Variants in MYO3B observed in about 807,000 individuals in gnomAD.
The protein encoded by MYO3B is myosin-IIIb.
A neutral mutation model predicts 174.6 loss-of-function variants in MYO3B; 156 were observed. That is an observed-to-expected ratio of 0.89 (90% CI 0.78 to 1.02). MYO3B has a LOEUF of 1.02. MYO3B is among the 50% of genes least tolerant of loss of function. The pLI, the probability that MYO3B is intolerant of heterozygous loss-of-function variation, is 0.00. For missense variants in MYO3B, 1,632 were observed against 1,639.4 expected, an observed-to-expected ratio of 1.00 and a Z score of 0.08; for synonymous variants, 563 against 569.1, an observed-to-expected ratio of 0.99 and a Z score of 0.15.
At chr2:170,378,455 G>A (rs1010852878) in intron 9 of MYO3B, among the ~76,000 whole-genome samples, 1 of 152,194 alleles carries the variant, frequency 6.6e-6, no homozygotes, top group Admixed American at 6.5e-5. Context: ...TTGATCACCT[G>A]TAAGCATGGA....
chr2:170,255,552 C>T (rs1187247474), intron 7 of MYO3B, among the ~76,000 whole-genome samples: 3 of 152,110 alleles, frequency 2.0e-5, no homozygotes, highest in Non-Finnish European at 4.4e-5. Context: ...GGAACCCATA[C>T]AGAGCACTGG....
chr2:170,218,638 A>T (rs1409864215), intron 6 of MYO3B, among the ~76,000 whole-genome samples: 1 of 152,174 alleles, frequency 6.6e-6, no homozygotes, highest in African/African-American at 2.4e-5. Context: ...TTCAGCTAGC[A>T]TAATCTGTTT....
At chr2:170,387,063 A>T in intron 13 of MYO3B, 43 bp from the exon 14 acceptor site, 1 of 1,601,722 alleles carries the variant, frequency 6.2e-7, no homozygotes, top group Non-Finnish European at 8.5e-7. Flanking sequence ...TGCTGGTGTA[A>T]TGTTTCTGGA....
Position 170,542,934 on chromosome 2 carries a change from G to C in MYO3B, c.3604G>C (p.Gly1202Arg), listed in dbSNP as rs926007208. ...TTCACAAGCCCAGAGTTCTCCAAAA[G>C]GGTGCGATATCTTCGCAGGACATGC... The part of the protein sequence containing the change: ...GHSQAQSSPK[G>R]CDIFAGHANK... Residue 1202 changes from glycine to arginine, a missense_variant, in exon 31 of 35, where the codon GGG becomes CGG. Coordinates refer to ENST00000408978, the MANE Select transcript of MYO3B (RefSeq NM_138995.5). 2 of 1,609,696 alleles carry C rather than the reference G, an allele frequency of 1.2e-6. No individual in the cohort carries two copies. Among genetic ancestry groups the C allele is most frequent in the Non-Finnish European group, 1.7e-6 (2 of 1,177,658 alleles).
At chr2:170,303,953 C>G (rs1035092496) in intron 7 of MYO3B, among the ~76,000 whole-genome samples, 1 of 152,006 alleles carries the variant, frequency 6.6e-6, no homozygotes, top group South Asian at 2.1e-4. Flanking sequence ...ATAGACCCAC[C>G]TTATTCTTTT....
chr2:170,370,804 C>T (rs934081568), intron 9 of MYO3B, among the ~76,000 whole-genome samples: 1 of 152,042 alleles, frequency 6.6e-6, no homozygotes, highest in African/African-American at 2.4e-5. Context: ...TAGGATTTGC[C>T]ATGGAATGAT....
At chr2:170,594,993 T>A (rs1417056054) in intron 32 of MYO3B, among the ~76,000 whole-genome samples, 1 of 152,132 alleles carries the variant, frequency 6.6e-6, no homozygotes, top group Non-Finnish European at 1.5e-5. Flanking sequence ...GACAGTGTCG[T>A]GCCCCAGGCT....
At chr2:170,558,450 T>C (rs992202853) in intron 32 of MYO3B, among the ~76,000 whole-genome samples, 1 of 152,212 alleles carries the variant, frequency 6.6e-6, no homozygotes, top group African/African-American at 2.4e-5. Flanking sequence ...TATGACTCTC[T>C]TCCTGCATCC....
At chr2:170,453,210 C>T (rs994259499) in intron 23 of MYO3B, among the ~76,000 whole-genome samples, 2 of 152,098 alleles carry the variant, frequency 1.3e-5, no homozygotes, top group Non-Finnish European at 2.9e-5. Context: ...ACAAGCCTGC[C>T]AGGCTGGCTT....
chr2:170,364,697 A>G (rs6709128), intron 8 of MYO3B, among the ~76,000 whole-genome samples: 15,876 of 152,260 alleles, frequency 0.1, 1,913 homozygotes, highest in African/African-American at 0.29. Flanking sequence ...GGAGGCTATC[A>G]GGAGTTTTAG....
chr2:170,291,909 G>T (rs4338934), intron 7 of MYO3B, among the ~76,000 whole-genome samples: 1 of 152,040 alleles, frequency 6.6e-6, no homozygotes, highest in Non-Finnish European at 1.5e-5. Flanking sequence ...CTTTGGATTA[G>T]TCTTTTTTGG....
intron 32 of MYO3B, among the ~76,000 whole-genome samples, chr2:170,584,110 G>A (rs929553387): frequency 6.6e-5 from 10 of 152,260 alleles, no homozygotes; most frequent in South Asian, 6.2e-4. Context: ...TGTCTTATGT[G>A]CATGCCACCA....
chr2:170,419,936 G>A (rs1243653438), intron 22 of MYO3B, among the ~76,000 whole-genome samples: 1 of 152,196 alleles, frequency 6.6e-6, no homozygotes, highest in Non-Finnish European at 1.5e-5. Flanking sequence ...TGTCATCCCA[G>A]CACTTTGGGA....
chr2:170,263,332 G>A (rs894639865), intron 7 of MYO3B, among the ~76,000 whole-genome samples: 2 of 152,170 alleles, frequency 1.3e-5, no homozygotes, highest in Admixed American at 6.6e-5. Context: ...CTCCACACCT[G>A]TGGGTGTTTC....
chr2:170,494,961 A>G (rs1686761419), intron 25 of MYO3B, among the ~76,000 whole-genome samples: 1 of 152,116 alleles, frequency 6.6e-6, no homozygotes, highest in South Asian at 2.1e-4. Flanking sequence ...AAAGTTAGGT[A>G]CAGAGAGGTG....
chr2:170,312,566 T>A (rs1182660235), intron 7 of MYO3B, among the ~76,000 whole-genome samples: 1 of 152,266 alleles, frequency 6.6e-6, no homozygotes, highest in Admixed American at 6.5e-5. Context: ...GTTCTTAAAT[T>A]GTGATCTAAG....
intron 23 of MYO3B, among the ~76,000 whole-genome samples, chr2:170,456,259 CAG>C (rs982411460): frequency 6.6e-6 from 1 of 152,146 alleles, no homozygotes; most frequent in Admixed American, 6.5e-5. Flanking sequence ...GCAAAACAAA[CAG>C]TGGTTTGGGA....
At chr2:170,410,644 C>T (rs1170728759) in intron 22 of MYO3B, among the ~76,000 whole-genome samples, 4 of 144,532 alleles carry the variant, frequency 2.8e-5, no homozygotes, top group African/African-American at 1.0e-4. Flanking sequence ...TAGCTCAAAG[C>T]ATAAAAGGAG....
intron 32 of MYO3B, among the ~76,000 whole-genome samples, chr2:170,547,668 C>T (rs1424208821): frequency 1.3e-5 from 2 of 152,150 alleles, no homozygotes; most frequent in African/African-American, 4.8e-5. Context: ...TCACCACAGT[C>T]TGATACTTTT....
Sources: allele counts gnomAD v4.1 joint callset (sites outside exome capture counted in the v4.1 genomes callset), GRCh38; gene constraint gnomAD v4.1.1; transcripts MANE v1.5; gene names NCBI Gene and HGNC (gene_info 2026-07-23, HGNC 2026-07-21).